AMBRA1: variants seen among roughly 807,000 people sequenced by gnomAD.
AMBRA1 encodes activating molecule in BECN1-regulated autophagy protein 1.
In AMBRA1, 47 loss-of-function variants were observed where a neutral mutation model predicts 125.4. The observed-to-expected ratio is 0.37, with a 90% CI of 0.30 to 0.48. The LOEUF (loss-of-function observed/expected upper bound fraction) is 0.48. Ranked by LOEUF, AMBRA1 falls within the 20% of genes least tolerant of loss-of-function variation. The pLI, the probability that AMBRA1 is intolerant of heterozygous loss-of-function variation, is 0.99. For synonymous variants in AMBRA1, 626 were observed against 655.5 expected, an observed-to-expected ratio of 0.95 and a Z score of 0.69; for missense variants, 1,331 against 1,693.4, an observed-to-expected ratio of 0.79 and a Z score of 3.76.
At chr11:46,426,446 A>C (rs934624272) in intron 14 of AMBRA1, among the ~76,000 whole-genome samples, 1 of 152,166 alleles carries the variant, frequency 6.6e-6, no homozygotes, top group African/African-American at 2.4e-5. Flanking sequence ...GGGCTCAATA[A>C]AGTTTTTTTG....
chr11:46,493,745 G>C, intron 10 of AMBRA1, 37 bp from the exon 11 acceptor site: 7 of 1,523,230 alleles, frequency 4.6e-6, no homozygotes, highest in Non-Finnish European at 6.2e-6. Context: ...GCTGACTAAA[G>C]ACTACCACGA....
chr11:46,539,204 T>C (rs1952623584), intron 7 of AMBRA1, among the ~76,000 whole-genome samples: 1 of 152,070 alleles, frequency 6.6e-6, no homozygotes, highest in African/African-American at 2.4e-5. Flanking sequence ...TCTTCGTTTT[T>C]ATATATGTTT....
chr11:46,459,739 TACACACACACACAC>T (rs56374939), intron 11 of AMBRA1, among the ~76,000 whole-genome samples: 4,385 of 110,300 alleles, frequency 0.04, 88 homozygotes, highest in Non-Finnish European at 0.065. Context: ...AAAATACACA[TACACACACACACAC>T]ACACACACAC....
Position 46,397,633 on chromosome 11 carries a change from G to A in AMBRA1, c.3714C>T (p.Thr1238=). The change falls in exon 18 of 18, where the codon ACC becomes ACT. Residue 1238 remains threonine (T), a synonymous_variant. Transcript: ENST00000683756. ...PRTASWDQPG[T]PGREPTQPTL... is the part of the protein sequence containing the mutation. ...TTGGCTGGGTTGGCTCCCGCCCAGG[G>A]GTACCAGGCTGGTCCCAGGAAGCTG... 1 of 1,612,172 alleles carries A rather than the reference G, an allele frequency of 6.2e-7. No homozygotes were observed. Among genetic ancestry groups the A allele is most frequent in the Non-Finnish European group, 8.5e-7 (1 of 1,178,784 alleles).
chr11:46,546,964 G>A (rs1953050356), intron 4 of AMBRA1, 149 bp downstream of exon 4: 1 of 682,710 alleles, frequency 1.5e-6, no homozygotes, highest in African/African-American at 1.8e-5. Flanking sequence ...CCAGCTACTT[G>A]GGAGGCTGAA....
chr11:46,538,206 G>C (rs1952568509), intron 7 of AMBRA1, among the ~76,000 whole-genome samples: 1 of 152,174 alleles, frequency 6.6e-6, no homozygotes, highest in Non-Finnish European at 1.5e-5. Context: ...TTTTGAGACA[G>C]CTGTCAGCCC....
chr11:46,578,388 G>A lies in AMBRA1; in HGVS notation c.-121+15440C>T, dbSNP rs1591175925. 1.3e-5 allele frequency among the ~76,000 whole-genome samples: 2 copies of A among 152,022 alleles called. 1 individual carries two copies. Among genetic ancestry groups the A allele is most frequent in the East Asian group, 3.9e-4 (2 of 5,154 alleles). On this transcript the variant is annotated intron_variant, in intron 1 of 17. Transcript: ENST00000683756. ...TGTAATCCCAGCTACTTGGGAGGCT[G>A]AGGCAACAGAGTTGCTTGAACCTGG...
At chr11:46,549,149 TC>T (rs1365021816) in intron 1 of AMBRA1, 1 of 152,020 alleles carries the variant, frequency 6.6e-6, no homozygotes, top group African/African-American at 2.4e-5. Context: ...GGAGAAAACT[TC>T]ATCAGAAATT....
At chr11:46,429,146 A>G in intron 14 of AMBRA1, 1 of 1,587,882 alleles carries the variant, frequency 6.3e-7, no homozygotes, top group Non-Finnish European at 8.6e-7. Context: ...CTTAGGCATC[A>G]ACATCTGGCA....
At chr11:46,471,375 G>A (rs1385655588) in intron 11 of AMBRA1, among the ~76,000 whole-genome samples, 4 of 151,912 alleles carry the variant, frequency 2.6e-5, no homozygotes, top group Non-Finnish European at 4.4e-5. Flanking sequence ...TCAGGAGATC[G>A]AGACCACCCT....
At chr11:46,411,112 AAAG>A (rs1946273010) in intron 15 of AMBRA1, among the ~76,000 whole-genome samples, 1 of 150,982 alleles carries the variant, frequency 6.6e-6, no homozygotes. Flanking sequence ...AAAAAAAAAA[AAAG>A]AAAAAAAAAA....
intron 17 of AMBRA1, among the ~76,000 whole-genome samples, chr11:46,407,708 T>C (rs1006612682): frequency 1.3e-5 from 2 of 152,210 alleles, no homozygotes; most frequent in African/African-American, 4.8e-5. Context: ...CCTGGGGTGA[T>C]AGGCACGTTT....
intron 11 of AMBRA1, among the ~76,000 whole-genome samples, chr11:46,478,480 T>A (rs181552203): frequency 6.6e-6 from 1 of 152,226 alleles, no homozygotes; most frequent in Admixed American, 6.5e-5. Context: ...AATACAGGGC[T>A]ATATCCTAGA....
Position 46,543,408 on chromosome 11 carries a change from G to A in AMBRA1, c.619-10C>T. 3 of 1,613,210 alleles carry A rather than the reference G, an allele frequency of 1.9e-6. No homozygotes were observed. The highest frequency in any genetic ancestry group is 2.5e-6 in the Non-Finnish European group (3 of 1,179,682). On this transcript the variant is annotated splice_polypyrimidine_tract_variant and intron_variant, in intron 6 of 17. Coordinates refer to ENST00000683756, the MANE Select transcript of AMBRA1 (RefSeq NM_001387011.1). The stretch of plus-strand genomic sequence containing the variant: ...CTGGTTCGTCATCACCCTGCAACGT[G>A]GACCAGCATGGGGCAGGGGGTAGAG...
At chr11:46,509,593 A>G (rs1951184385) in intron 8 of AMBRA1, among the ~76,000 whole-genome samples, 1 of 152,184 alleles carries the variant, frequency 6.6e-6, no homozygotes. Context: ...ATATCCATAC[A>G]AAGAAACACC....
At chr11:46,588,498 G>C (rs972011957) in intron 1 of AMBRA1, among the ~76,000 whole-genome samples, 2 of 151,774 alleles carry the variant, frequency 1.3e-5, no homozygotes, top group African/African-American at 2.4e-5. Context: ...ATGATGGGCC[G>C]GGCACGGTGG....
intron 11 of AMBRA1, among the ~76,000 whole-genome samples, chr11:46,461,964 G>GC (rs926599801): frequency 6.6e-6 from 1 of 152,006 alleles, no homozygotes; most frequent in Non-Finnish European, 1.5e-5. Context: ...GTCTCATACT[G>GC]CCCCCCACTA....
At chr11:46,482,535 C>T (rs1950110976) in intron 11 of AMBRA1, among the ~76,000 whole-genome samples, 3 of 152,096 alleles carry the variant, frequency 2.0e-5, no homozygotes, top group South Asian at 2.1e-4. Context: ...AATAAATGTC[C>T]CTCACATGTT....
chr11:46,552,368 CAAAAAAAAAAAAAAAAAAAAA>C lies in AMBRA1; in HGVS notation c.-120-3889_-120-3869del, dbSNP rs56090695. On this transcript the variant is annotated intron_variant, in intron 1 of 17. Coordinates refer to ENST00000683756, the MANE Select transcript of AMBRA1 (RefSeq NM_001387011.1). Reference sequence around the variant, plus strand: ...TGAGTGACAGAGTGAGACTCCATCTCAAAAAAAAAAAAAAAAAAAAAAAAAAAAAAAAAAAAAGGCCAGGCA... The same window carrying C: ...TGAGTGACAGAGTGAGACTCCATCTCAAAAAAAAAAAAAAAAGGCCAGGCA... Among the ~76,000 whole-genome samples, 17 of 11,994 alleles carry C rather than the reference CAAAAAAAAAAAAAAAAAAAAA, an allele frequency of 1.4e-3. 1 individual carries two copies. The highest frequency in any genetic ancestry group is 6.7e-3 in the East Asian group (2 of 298). The allele number at this position is 11,994 out of a possible 152,430, so 7.9% of individuals were successfully genotyped here.
Sources: allele counts gnomAD v4.1 joint callset (sites outside exome capture counted in the v4.1 genomes callset), GRCh38; gene constraint gnomAD v4.1.1; transcripts MANE v1.5; gene names NCBI Gene and HGNC (gene_info 2026-07-23, HGNC 2026-07-21).